STK38: variants seen among roughly 807,000 people sequenced by gnomAD.
STK38 encodes serine/threonine kinase 38.
Under a neutral mutation model 59.0 loss-of-function variants are expected in STK38, and 26 were observed. The ratio of observed to expected loss-of-function variants is 0.44; its 90% confidence interval spans 0.32 to 0.61. The LOEUF (loss-of-function observed/expected upper bound fraction) is 0.61, where lower values mean the gene tolerates loss of function less well. Among genes scored for constraint, STK38 ranks in the 20% least tolerant of loss-of-function variants. The pLI, the probability that STK38 is intolerant of heterozygous loss-of-function variation, is 0.04. For synonymous variants in STK38, 175 were observed against 176.6 expected (o/e 0.99, Z 0.07); for missense variants, 433 against 566.0 (o/e 0.76, Z 2.38).
At chr6:36,518,641 T>C (rs967691491) in intron 5 of STK38, among the ~76,000 whole-genome samples, 3 of 152,134 alleles carry the variant, frequency 2.0e-5, no homozygotes, top group Non-Finnish European at 2.9e-5. Context: ...CACTGAAGCC[T>C]CAAACTCCTG....
At chr6:36,543,222 G>A (rs539739878) in intron 1 of STK38, among the ~76,000 whole-genome samples, 290 of 151,226 alleles carry the variant, frequency 1.9e-3, no homozygotes, top group Middle Eastern at 6.8e-3. Context: ...CCGCCACCAC[G>A]CCCGGCTAAT....
At chr6:36,536,294 G>T (rs1015564958) in intron 2 of STK38, among the ~76,000 whole-genome samples, 8 of 152,108 alleles carry the variant, frequency 5.3e-5, no homozygotes, top group Non-Finnish European at 2.9e-5. Context: ...ATTCAATATG[G>T]ATCACAGAAC....
At chr6:36,506,458 C>T in intron 9 of STK38, 125 bp downstream of exon 9, 1 of 965,116 alleles carries the variant, frequency 1.0e-6, no homozygotes, top group Non-Finnish European at 1.6e-6. Flanking sequence ...ACAGCACTCT[C>T]TTTAGGTAAT....
intron 2 of STK38, among the ~76,000 whole-genome samples, chr6:36,526,280 T>A (rs957101992): frequency 8.6e-5 from 13 of 151,910 alleles, no homozygotes; most frequent in African/African-American, 3.1e-4. Context: ...ACAGCTGGTA[T>A]TTGATAAACT....
At chr6:36,527,191 CAA>C (rs777770396) in intron 2 of STK38, among the ~76,000 whole-genome samples, 80 of 46,004 alleles carry the variant, frequency 1.7e-3, no homozygotes, top group African/African-American at 6.8e-3. Flanking sequence ...GACTCCGTCT[CAA>C]AAAAAAAAAA....
At chr6:36,512,873 T>C (rs1248752507) in intron 7 of STK38, among the ~76,000 whole-genome samples, 1 of 152,170 alleles carries the variant, frequency 6.6e-6, no homozygotes, top group African/African-American at 2.4e-5. Flanking sequence ...TTGTCCAAGC[T>C]GGTCTCCAAC....
At chr6:36,541,291 A>C (rs908790354) in intron 1 of STK38, among the ~76,000 whole-genome samples, 9 of 152,218 alleles carry the variant, frequency 5.9e-5, no homozygotes, top group African/African-American at 2.2e-4. Flanking sequence ...TAAATTAAGA[A>C]TATATAGTAA....
chr6:36,528,900 G>C (rs894314495), intron 2 of STK38, among the ~76,000 whole-genome samples: 3 of 152,166 alleles, frequency 2.0e-5, no homozygotes, highest in African/African-American at 7.2e-5. Flanking sequence ...TACAAACTAA[G>C]AGGTTTTCCA....
intron 2 of STK38, among the ~76,000 whole-genome samples, chr6:36,537,041 T>C (rs1777809115): frequency 6.6e-6 from 1 of 152,090 alleles, no homozygotes; most frequent in Admixed American, 6.5e-5. Context: ...AAAGGTCTGA[T>C]ATGTAGGACA....
chr6:36,541,190 G>A (rs1000122125), intron 1 of STK38, among the ~76,000 whole-genome samples: 2 of 152,128 alleles, frequency 1.3e-5, no homozygotes, highest in East Asian at 1.9e-4. Context: ...GTGAGCCACC[G>A]TGCCCAGCCC....
At chr6:36,522,486 G>A (rs767870354) in intron 4 of STK38, 1 of 152,052 alleles carries the variant, frequency 6.6e-6, no homozygotes, top group Non-Finnish European at 1.5e-5. Flanking sequence ...GGGCAACACA[G>A]TGAAACCTTG....
chr6:36,528,576 T>A (rs1203391497), intron 2 of STK38, among the ~76,000 whole-genome samples: 1 of 152,214 alleles, frequency 6.6e-6, no homozygotes, highest in Non-Finnish European at 1.5e-5. Flanking sequence ...TTGGGATACA[T>A]GTGCATCTAT....
intron 12 of STK38, 69 bp downstream of exon 12, chr6:36,497,711 C>T: frequency 1.5e-6 from 2 of 1,313,296 alleles, no homozygotes; most frequent in Non-Finnish European, 1.1e-6. Context: ...AATGATGGTC[C>T]TTCCAAATTA....
In STK38 at chr6:36,547,407, G is replaced by T. The variant is rs908922346; in HGVS notation, c.-223C>A. On this transcript the variant is annotated 5_prime_UTR_variant, in exon 1 of 14. Coordinates refer to ENST00000229812, the MANE Select transcript of STK38 (RefSeq NM_007271.4). ...AACTGCCGGAAAAGACGCGAGCGCT[G>T]AGGGGCCAAGGCAGCCCGGTCCCCC... 6.6e-6 allele frequency: 1 copy of T among 152,354 alleles called. No individual in the cohort carries two copies. Among genetic ancestry groups the T allele is most frequent in the South Asian group, 2.1e-4 (1 of 4,840 alleles). The allele number at this position is 152,354 out of a possible 1,614,324, so 9.4% of individuals were successfully genotyped here.
rs184002956 is a variant in STK38, at chr6:36,510,904, G to C, written c.670-3302C>G. Among the ~76,000 whole-genome samples the C allele has an allele frequency of 7.9e-5, 12 of 152,290 alleles. No homozygotes were observed. The East Asian group carries it at 1.9e-3, about 24-fold the overall frequency. ...AAAATGAGAGTACAGATATCTTTCT[G>C]GCAGGAATGGGCATTAATGCATGTA... On this transcript the variant is annotated intron_variant, in intron 7 of 13. Coordinates refer to ENST00000229812, the MANE Select transcript of STK38 (RefSeq NM_007271.4).
intron 4 of STK38, among the ~76,000 whole-genome samples, chr6:36,523,638 A>G (rs1340352410): frequency 6.6e-6 from 1 of 152,058 alleles, no homozygotes. Context: ...CAGTTTGGGC[A>G]TTTTTCATTA....
intron 9 of STK38, among the ~76,000 whole-genome samples, chr6:36,503,957 C>T (rs1284800375): frequency 1.3e-5 from 2 of 152,196 alleles, no homozygotes; most frequent in Admixed American, 6.5e-5. Flanking sequence ...TCCTCCAACT[C>T]CAACCTCGTA....
chr6:36,534,765 A>T (rs998384215), intron 2 of STK38, among the ~76,000 whole-genome samples: 81 of 152,192 alleles, frequency 5.3e-4, no homozygotes, highest in African/African-American at 1.9e-3. Context: ...TAAATCAAGA[A>T]GAAAACAAAG....
chr6:36,541,505 C>T (rs1170230168), intron 1 of STK38, among the ~76,000 whole-genome samples: 1 of 152,142 alleles, frequency 6.6e-6, no homozygotes, highest in Non-Finnish European at 1.5e-5. Flanking sequence ...TGCAATGCAG[C>T]ATTGTAATCA....
Sources: allele counts gnomAD v4.1 joint callset (sites outside exome capture counted in the v4.1 genomes callset), GRCh38; gene constraint gnomAD v4.1.1; transcripts MANE v1.5; gene names NCBI Gene and HGNC (gene_info 2026-07-23, HGNC 2026-07-21).